Variants in KCTD8 observed in about 807,000 individuals in gnomAD.
KCTD8 encodes the protein BTB/POZ domain-containing protein KCTD8.
In KCTD8, 27 loss-of-function variants were observed where a neutral mutation model predicts 31.5. The observed-to-expected ratio is 0.86, with a 90% confidence interval of 0.63 to 1.18. The LOEUF is 1.18. Among genes scored for constraint, KCTD8 ranks in the 50% most tolerant of loss-of-function variants. KCTD8 has a pLI of 0.00. For synonymous variants in KCTD8, 290 were observed against 280.0 expected (o/e 1.04, Z -0.36); for missense variants, 658 against 647.7 (o/e 1.02, Z -0.17).
At chr4:44,311,482 A>G (rs1717949799) in intron 1 of KCTD8, among the ~76,000 whole-genome samples, 1 of 152,036 alleles carries the variant, frequency 6.6e-6, no homozygotes, top group South Asian at 2.1e-4. Context: ...TGTCCACCTT[A>G]TTTTTAAGGA....
chr4:44,385,005 T>C (rs1390190911), intron 1 of KCTD8, among the ~76,000 whole-genome samples: 2 of 150,732 alleles, frequency 1.3e-5, no homozygotes, highest in East Asian at 1.9e-4. Flanking sequence ...AGAAAATATA[T>C]AGGAATAAGC....
rs539865507 is a variant in KCTD8 at position 44,304,233 on chromosome 4, G to A, written c.962-128983C>T. On this transcript the variant is annotated intron_variant, in intron 1 of 1. Coordinates refer to ENST00000360029, the MANE Select transcript of KCTD8 (RefSeq NM_198353.3). Reference sequence around the variant, plus strand: ...GAATAAGACAAAATGAAGAAAAATAGGTATGTGGTACACGAATCCCTCTAG... The same window carrying A: ...GAATAAGACAAAATGAAGAAAAATAAGTATGTGGTACACGAATCCCTCTAG... Among the ~76,000 whole-genome samples, 146 of 152,188 alleles carry A rather than the reference G, an allele frequency of 9.6e-4. 2 individuals carry two copies. The highest frequency in any genetic ancestry group is 3.4e-3 in the African/African-American group (143 of 41,524).
intron 1 of KCTD8, among the ~76,000 whole-genome samples, chr4:44,398,634 G>A (rs74655542): frequency 1.3e-3 from 202 of 152,220 alleles, no homozygotes; most frequent in African/African-American, 4.2e-3. Flanking sequence ...TTAAAGATCC[G>A]GAACGAACTC....
chr4:44,410,831 G>A (rs1279235424), intron 1 of KCTD8, among the ~76,000 whole-genome samples: 1 of 152,090 alleles, frequency 6.6e-6, no homozygotes, highest in African/African-American at 2.4e-5. Flanking sequence ...CCCAAAACAC[G>A]TGGGAATTAA....
chr4:44,221,863 G>A (rs1374730331), intron 1 of KCTD8, among the ~76,000 whole-genome samples: 5 of 151,868 alleles, frequency 3.3e-5, no homozygotes, highest in East Asian at 1.9e-4. Flanking sequence ...AATCTCCTTC[G>A]GCGACACCCT....
chr4:44,233,925 T>C (rs1260671588), intron 1 of KCTD8, among the ~76,000 whole-genome samples: 6 of 152,180 alleles, frequency 3.9e-5, no homozygotes. Flanking sequence ...TATTTTCTAC[T>C]AGCTTCATGG....
intron 1 of KCTD8, among the ~76,000 whole-genome samples, chr4:44,439,781 A>C (rs1268219309): frequency 6.6e-6 from 1 of 152,084 alleles, no homozygotes; most frequent in Non-Finnish European, 1.5e-5. Flanking sequence ...ATTTTTTTAA[A>C]GCAAGTACTT....
chr4:44,307,880 T>C (rs1717847848), intron 1 of KCTD8, among the ~76,000 whole-genome samples: 1 of 151,890 alleles, frequency 6.6e-6, no homozygotes, highest in African/African-American at 2.4e-5. Flanking sequence ...ATAAAACAAA[T>C]ATAGTGTACA....
At chr4:44,247,556 A>G (rs957343862) in intron 1 of KCTD8, among the ~76,000 whole-genome samples, 2 of 151,868 alleles carry the variant, frequency 1.3e-5, no homozygotes, top group Admixed American at 1.3e-4. Flanking sequence ...GTCAATAAGC[A>G]TATCTCTAGA....
chr4:44,239,808 T>G (rs1247474366), intron 1 of KCTD8, among the ~76,000 whole-genome samples: 1 of 152,242 alleles, frequency 6.6e-6, no homozygotes, highest in Non-Finnish European at 1.5e-5. Context: ...TCTTGCCCAA[T>G]GCAATGTGTG....
intron 1 of KCTD8, among the ~76,000 whole-genome samples, chr4:44,308,511 T>C (rs1717867632): frequency 6.6e-6 from 1 of 152,100 alleles, no homozygotes; most frequent in Non-Finnish European, 1.5e-5. Flanking sequence ...ATTTAACCCA[T>C]TCTATTTGAA....
At chr4:44,204,005 T>A (rs983363) in intron 1 of KCTD8, among the ~76,000 whole-genome samples, 7,920 of 152,100 alleles carry the variant, frequency 0.052, 281 homozygotes, top group Non-Finnish European at 0.081. Context: ...ATAAAATCTA[T>A]ATAACTTTAC....
intron 1 of KCTD8, among the ~76,000 whole-genome samples, chr4:44,424,873 C>T (rs1284168537): frequency 1.3e-5 from 2 of 152,010 alleles, no homozygotes; most frequent in African/African-American, 4.8e-5. Flanking sequence ...CCCTAACCCT[C>T]CCAAATTCAT....
intron 1 of KCTD8, among the ~76,000 whole-genome samples, chr4:44,184,413 T>C (rs1398850194): frequency 6.6e-6 from 1 of 152,138 alleles, no homozygotes; most frequent in African/African-American, 2.4e-5. Context: ...GCCACTTTTA[T>C]GAGTGAAAGA....
chr4:44,350,068 A>G (rs1030307005), intron 1 of KCTD8, among the ~76,000 whole-genome samples: 1 of 152,162 alleles, frequency 6.6e-6, no homozygotes, highest in Non-Finnish European at 1.5e-5. Flanking sequence ...TAGATTTTGC[A>G]AATGTTTACT....
At chr4:44,179,411 A>G (rs1366190778) in intron 1 of KCTD8, among the ~76,000 whole-genome samples, 3 of 151,144 alleles carry the variant, frequency 2.0e-5, no homozygotes, top group Non-Finnish European at 3.0e-5. Flanking sequence ...TGTGATTTTA[A>G]GAGCTTTAAA....
At chr4:44,207,673 A>T (rs1714355541) in intron 1 of KCTD8, among the ~76,000 whole-genome samples, 1 of 152,228 alleles carries the variant, frequency 6.6e-6, no homozygotes, top group Non-Finnish European at 1.5e-5. Flanking sequence ...AAATGTATTT[A>T]AACAAACATG....
rs945825250 is a variant in KCTD8, at chr4:44,174,070, T to A, written c.*720A>T. On this transcript the variant is annotated 3_prime_UTR_variant, in exon 2 of 2. Transcript: ENST00000360029. ...AATAATCATGACTAGCATTAGTAAA[T>A]GAATGTTGATGCCATAAATAACAGT... 6.6e-6 allele frequency: 1 copy of A among 152,158 alleles called. No individual in the cohort carries two copies. Among genetic ancestry groups the A allele is most frequent in the African/African-American group, 2.4e-5 (1 of 41,456 alleles). The allele number at this position is 152,158 out of a possible 1,614,324, so 9.4% of individuals were successfully genotyped here.
intron 1 of KCTD8, among the ~76,000 whole-genome samples, chr4:44,318,288 T>C (rs1357478791): frequency 1.3e-5 from 2 of 152,316 alleles, no homozygotes; most frequent in African/African-American, 2.4e-5. Flanking sequence ...AGGCTCAAAG[T>C]GGTGCAATGA....
Sources: allele counts gnomAD v4.1 joint callset (sites outside exome capture counted in the v4.1 genomes callset), GRCh38; gene constraint gnomAD v4.1.1; transcripts MANE v1.5; gene names NCBI Gene and HGNC (gene_info 2026-07-23, HGNC 2026-07-21).